GUCY1A1: variants seen among roughly 807,000 people sequenced by gnomAD.
GUCY1A1 encodes guanylate cyclase soluble subunit alpha-1.
A neutral mutation model predicts 64.5 loss-of-function variants in GUCY1A1; 48 were observed. That is an observed-to-expected ratio of 0.74 (90% confidence interval 0.59 to 0.95). The LOEUF (loss-of-function observed/expected upper bound fraction) is 0.95. Ranked by LOEUF, GUCY1A1 falls within the 40% of genes least tolerant of loss-of-function variation. The pLI, the probability that GUCY1A1 is intolerant of heterozygous loss-of-function variation, is 0.00. For synonymous variants in GUCY1A1, 308 were observed against 303.4 expected (o/e 1.02, Z -0.16); for missense variants, 804 against 825.3 (o/e 0.97, Z 0.32).
Position 155,730,413 on chromosome 4 carries a change from C to G in GUCY1A1, c.*182C>G. 2.7e-6 allele frequency: 1 copy of G among 371,582 alleles called. No individual in the cohort carries two copies. The highest frequency in any genetic ancestry group is 4.6e-6 in the Non-Finnish European group (1 of 215,612). 23.0% of individuals were successfully genotyped at this position (371,582 alleles called of 1,614,324 possible). On this transcript the variant is annotated 3_prime_UTR_variant, in exon 10 of 10. Transcript: ENST00000506455. ...ATGTACTCACTTCAGTACTTCAGCT[C>G]TTCAAGAAAAAAAAAAAAAACCTTA...
intron 1 of GUCY1A1, 124 bp from the exon 2 acceptor site, chr4:155,667,222 T>A (rs1260847416): frequency 6.6e-6 from 1 of 151,786 alleles, no homozygotes; most frequent in Non-Finnish European, 1.5e-5. Context: ...GACCCAAGCG[T>A]AAGTGCCGCT....
Position 155,702,928 on chromosome 4 carries a change from CTG to C in GUCY1A1, c.256-1003_256-1002del, listed in dbSNP as rs947546793. On this transcript the variant is annotated intron_variant, in intron 3 of 9. Transcript: ENST00000506455. ...ACAGCAAAAAATTTTTCACTTTCCTCTGGGGAAACTATAGAAAGAATCAATGG... is the reference window on the plus strand; with the variant it reads ...ACAGCAAAAAATTTTTCACTTTCCTCGGGAAACTATAGAAAGAATCAATGG... Among the ~76,000 whole-genome samples the C allele has an allele frequency of 2.6e-5, 4 of 151,116 alleles. No homozygotes were observed. In the South Asian group the frequency reaches 6.2e-4, roughly 24 times the overall value.
chr4:155,710,090 A>G (rs1039449609), intron 5 of GUCY1A1, among the ~76,000 whole-genome samples: 1 of 152,180 alleles, frequency 6.6e-6, no homozygotes, highest in African/African-American at 2.4e-5. Flanking sequence ...TCTAGACAAA[A>G]CTGAGTTTCA....
intron 2 of GUCY1A1, among the ~76,000 whole-genome samples, chr4:155,674,247 C>T (rs780389246): frequency 4.6e-4 from 69 of 150,914 alleles, no homozygotes; most frequent in Non-Finnish European, 8.5e-4. Flanking sequence ...CCCAGCTATT[C>T]GGGAGGCTGA....
intron 9 of GUCY1A1, among the ~76,000 whole-genome samples, chr4:155,727,278 T>G (rs974273009): frequency 2.0e-5 from 3 of 151,924 alleles, no homozygotes; most frequent in Non-Finnish European, 4.4e-5. Context: ...TTATATATTC[T>G]GATTTTTTAA....
Position 155,730,347 on chromosome 4 carries a change from G to A in GUCY1A1, c.*116G>A. On this transcript the variant is annotated 3_prime_UTR_variant, in exon 10 of 10. Coordinates refer to ENST00000506455, the MANE Select transcript of GUCY1A1 (RefSeq NM_001130682.3). ...AACAAGCAGTATTAAAATTTCAGGA[G>A]CCAAGTCACAATCTTTCTCCTGTTT... 1.7e-6 allele frequency: 1 copy of A among 593,062 alleles called. No individual in the cohort carries two copies. The highest frequency in any genetic ancestry group is 3.0e-6 in the Non-Finnish European group (1 of 335,382). 36.7% of individuals were successfully genotyped at this position (593,062 alleles called of 1,614,324 possible).
intron 3 of GUCY1A1, among the ~76,000 whole-genome samples, chr4:155,700,492 A>G (rs1164208593): frequency 1.3e-5 from 2 of 152,214 alleles, no homozygotes; most frequent in Non-Finnish European, 1.5e-5. Context: ...TAAAATTCAC[A>G]TTGTTGACAG....
chr4:155,675,967 G>T lies in GUCY1A1; in HGVS notation c.-113+8548G>T, dbSNP rs566609882. ...AAAAATTGCTCTCCCACTTGGTCCT[G>T]TCCTAAGGCCTAAATCTCCTTTGGG... is the stretch of plus-strand genomic sequence containing the variant. On this transcript the variant is annotated intron_variant, in intron 2 of 9. Coordinates refer to ENST00000506455, the MANE Select transcript of GUCY1A1 (RefSeq NM_001130682.3). Among the ~76,000 whole-genome samples the T allele has an allele frequency of 1.8e-4, 28 of 151,568 alleles. 1 individual carries two copies. The highest frequency in any genetic ancestry group is 6.9e-4 in the African/African-American group (28 of 40,868).
At chr4:155,689,799 A>C (rs952949887) in intron 2 of GUCY1A1, among the ~76,000 whole-genome samples, 3 of 152,214 alleles carry the variant, frequency 2.0e-5, no homozygotes, top group Non-Finnish European at 4.4e-5. Flanking sequence ...GTCGGGGGGC[A>C]GGGGCACTCC....
rs570783850 is a variant in GUCY1A1 at position 155,674,742 on chromosome 4, A to G, written c.-113+7323A>G. ...TATGAATACAATGCCTTCTTCTGGA[A>G]TACCTTCTGATGAAACTGCCTGAGG... On this transcript the variant is annotated intron_variant, in intron 2 of 9. Transcript: ENST00000506455. 4.0e-4 allele frequency among the ~76,000 whole-genome samples: 60 copies of G among 151,686 alleles called. 3 individuals are homozygous for G. The highest frequency in any genetic ancestry group is 1.4e-3 in the African/African-American group (58 of 40,966).
At position 155,736,484 on chromosome 4, in the gene GUCY1A1, G is replaced by T. The variant is rs1339708548; in HGVS notation, c.*6253G>T. ...CTAGTGAAGTACCATAGACCATATTGTCTAGATGGGACAAAATAATAAATT... is the reference window on the plus strand; with the variant it reads ...CTAGTGAAGTACCATAGACCATATTTTCTAGATGGGACAAAATAATAAATT... On this transcript the variant is annotated 3_prime_UTR_variant, in exon 10 of 10. Transcript: ENST00000506455. 3 of 151,906 alleles carry T rather than the reference G, an allele frequency of 2.0e-5. No individual in the cohort carries two copies. The highest frequency in any genetic ancestry group is 4.4e-5 in the Non-Finnish European group (3 of 67,924). 9.4% of individuals were successfully genotyped at this position (151,906 alleles called of 1,614,324 possible). A position where few individuals can be genotyped will look rare whatever the true frequency, so the allele number is the denominator to read the frequency against.
chr4:155,720,526 A>G (rs748022146), intron 8 of GUCY1A1, among the ~76,000 whole-genome samples: 36 of 152,162 alleles, frequency 2.4e-4, no homozygotes, highest in Non-Finnish European at 3.4e-4. Context: ...AGGTGAAAAC[A>G]TGATCGGAGG....
rs376624635 is a variant in GUCY1A1, at chr4:155,713,473, G to T, written c.1462G>T (p.Val488Phe). 4 of 1,614,052 alleles carry T rather than the reference G, an allele frequency of 2.5e-6. No homozygotes were observed. Among genetic ancestry groups the T allele is most frequent in the African/African-American group, 1.3e-5 (1 of 74,926 alleles). The change falls in exon 7 of 10, where the codon GTT becomes TTT. Residue 488 changes from valine to phenylalanine, a missense_variant. Coordinates refer to ENST00000506455, the MANE Select transcript of GUCY1A1 (RefSeq NM_001130682.3). ...SNVTMLFSDI[V>F]GFTAICSQCS... is the part of the protein sequence containing the mutation. ...TGTCACCATGCTCTTCTCAGACATC[G>T]TTGGGTTCACTGCCATCTGCTCCCA...
At chr4:155,712,772 T>G (rs1007517215) in intron 6 of GUCY1A1, among the ~76,000 whole-genome samples, 1 of 152,160 alleles carries the variant, frequency 6.6e-6, no homozygotes, top group Non-Finnish European at 1.5e-5. Flanking sequence ...AAAATAGAAC[T>G]TCAGATTAAT....
chr4:155,730,157 A>C lies in GUCY1A1; in HGVS notation c.1999A>C (p.Lys667Gln). Residue 667 changes from lysine to glutamine, a missense_variant, in exon 10 of 10, where the codon AAA becomes CAA. By Grantham distance (53) the Lys-to-Gln change is moderately conservative. Coordinates refer to ENST00000506455, the MANE Select transcript of GUCY1A1 (RefSeq NM_001130682.3). ...TGCTTACCAACAAGGAACAAACTCA[A>C]AACCATGCTTCCAAAAGAAAGATGT... The part of the protein sequence containing the change: ...LDAYQQGTNS[K>Q]PCFQKKDVED... 6.2e-7 allele frequency: 1 copy of C among 1,612,008 alleles called. No individual in the cohort carries two copies. The highest frequency in any genetic ancestry group is 8.5e-7 in the Non-Finnish European group (1 of 1,178,536).
At chr4:155,698,875 T>C (rs1318266400) in intron 3 of GUCY1A1, among the ~76,000 whole-genome samples, 1 of 152,198 alleles carries the variant, frequency 6.6e-6, no homozygotes, top group East Asian at 1.9e-4. Flanking sequence ...AGTTATTCTT[T>C]CATTCCAGAA....
At chr4:155,707,900 C>T (rs556808421) in intron 4 of GUCY1A1, among the ~76,000 whole-genome samples, 330 of 149,222 alleles carry the variant, frequency 2.2e-3, no homozygotes, top group South Asian at 0.01. Context: ...TGGCTGATCT[C>T]GGCTCACTGC....
intron 2 of GUCY1A1, among the ~76,000 whole-genome samples, chr4:155,672,327 A>G (rs949337519): frequency 2.0e-5 from 3 of 152,170 alleles, no homozygotes; most frequent in Admixed American, 6.6e-5. Flanking sequence ...GCTGAACTGG[A>G]ACTACCTTTG....
At position 155,722,211 on chromosome 4, in the gene GUCY1A1, A is replaced by G. The variant is rs775204545; in HGVS notation, c.1871+19A>G. 1.2e-6 allele frequency: 2 copies of G among 1,601,994 alleles called. No individual in the cohort carries two copies. Among genetic ancestry groups the G allele is most frequent in the Admixed American group, 1.7e-5 (1 of 58,218 alleles). ...CTTACAGGTAGTAATTATGTTAAAC[A>G]CCTAAAATCTCTTGTTTTTATTTAT... On this transcript the variant is annotated intron_variant, in intron 9 of 9. Transcript: ENST00000506455.
Sources: gnomAD v4.1 joint callset for allele counts (sites outside exome capture counted in the v4.1 genomes callset) on GRCh38, gnomAD v4.1.1 for gene constraint, MANE v1.5 for transcripts, NCBI Gene and HGNC (gene_info 2026-07-23, HGNC 2026-07-21) for gene names.